TRIM55: variants seen among roughly 807,000 people sequenced by gnomAD.
TRIM55 encodes tripartite motif-containing protein 55.
Under a neutral mutation model 60.9 loss-of-function variants are expected in TRIM55, and 50 were observed. That is an observed-to-expected ratio of 0.82 (90% CI 0.65 to 1.04). TRIM55 has a LOEUF of 1.04. Ranked by LOEUF, TRIM55 falls within the 50% of genes least tolerant of loss-of-function variation. The probability of loss-of-function intolerance (pLI) is 0.00; values close to 1 mark genes in which losing one functional copy is unlikely to be tolerated. For missense variants in TRIM55, 681 were observed against 666.9 expected, an observed-to-expected ratio of 1.02 and a Z score of -0.23; for synonymous variants, 237 against 238.1, an observed-to-expected ratio of 1.00 and a Z score of 0.04.
chr8:66,173,986 T>C (rs956772976), intron 9 of TRIM55, among the ~76,000 whole-genome samples: 1 of 152,132 alleles, frequency 6.6e-6, no homozygotes, highest in Non-Finnish European at 1.5e-5. Flanking sequence ...AAAATATATA[T>C]GTATATGCAT....
At chr8:66,115,474 G>A in the TRIM55 span, among the ~76,000 whole-genome samples, 1 of 152,190 alleles carries the variant, frequency 6.6e-6, no homozygotes, top group Admixed American at 6.5e-5. Context: ...GGGAGGAACT[G>A]GCAGTGAAAC....
At chr8:66,142,367 C>G (rs1041652527) in intron 4 of TRIM55, among the ~76,000 whole-genome samples, 31 of 152,314 alleles carry the variant, frequency 2.0e-4, no homozygotes, top group African/African-American at 6.5e-4. Context: ...CGTTATTTAT[C>G]TAAGAGGCTT....
At chr8:66,138,621 C>T (rs557553605) in intron 4 of TRIM55, among the ~76,000 whole-genome samples, 6 of 152,312 alleles carry the variant, frequency 3.9e-5, no homozygotes, top group South Asian at 2.1e-4. Context: ...AAACTCCTGA[C>T]GTCCTGATCT....
intron 4 of TRIM55, among the ~76,000 whole-genome samples, chr8:66,142,117 C>T (rs903027776): frequency 6.6e-6 from 1 of 152,142 alleles, no homozygotes; most frequent in African/African-American, 2.4e-5. Flanking sequence ...GTCATGATGA[C>T]GAAGTTGAAA....
At chr8:66,149,606 T>C (rs1038267279) in intron 4 of TRIM55, 39 bp from the exon 5 acceptor site, 3 of 1,509,348 alleles carry the variant, frequency 2.0e-6, no homozygotes, top group Non-Finnish European at 2.8e-6. Context: ...ATCGACTTTG[T>C]TTCAAATACT....
chr8:66,142,487 G>A (rs1442408627), intron 4 of TRIM55, among the ~76,000 whole-genome samples: 2 of 152,218 alleles, frequency 1.3e-5, no homozygotes, highest in East Asian at 3.8e-4. Flanking sequence ...AGTCTGACAA[G>A]TGGCTTTCAC....
At chr8:66,156,750 T>A (rs1485809259) in intron 9 of TRIM55, among the ~76,000 whole-genome samples, 1 of 152,134 alleles carries the variant, frequency 6.6e-6, no homozygotes, top group Non-Finnish European at 1.5e-5. Context: ...TTCTGCCTCA[T>A]TAGCCATCTG....
intron 4 of TRIM55, among the ~76,000 whole-genome samples, chr8:66,148,383 G>A (rs907965769): frequency 2.6e-5 from 4 of 152,208 alleles, no homozygotes; most frequent in Non-Finnish European, 5.9e-5. Context: ...TTCTTAGGCA[G>A]TATTGGATAA....
chr8:66,113,391 C>T, the TRIM55 span: 7 of 404,766 alleles, frequency 1.7e-5, no homozygotes, highest in Admixed American at 1.1e-4. Flanking sequence ...GCTGGTAGAG[C>T]GGAGGACTGT....
At chr8:66,156,308 C>T (rs1192215101) in intron 9 of TRIM55, among the ~76,000 whole-genome samples, 1 of 152,152 alleles carries the variant, frequency 6.6e-6, no homozygotes, top group Non-Finnish European at 1.5e-5. Flanking sequence ...GAAGAAATAT[C>T]TGGGGGATTG....
intron 3 of TRIM55, among the ~76,000 whole-genome samples, chr8:66,135,603 A>G (rs931313383): frequency 6.6e-6 from 1 of 151,688 alleles, no homozygotes; most frequent in African/African-American, 2.4e-5. Context: ...GCCCTCCTCA[A>G]TGCCTTTTAT....
chr8:66,127,089 C>T (rs139830577), upstream of TRIM55: 26 of 580,244 alleles, frequency 4.5e-5, no homozygotes, highest in Non-Finnish European at 5.6e-5. Flanking sequence ...GTCACGTGAC[C>T]GCAGGCTGCT....
At chr8:66,165,523 G>A (rs981028461) in intron 9 of TRIM55, among the ~76,000 whole-genome samples, 25 of 152,076 alleles carry the variant, frequency 1.6e-4, no homozygotes, top group Middle Eastern at 6.8e-3. Context: ...CAAAACAAAC[G>A]GAAGTGAATG....
At chr8:66,119,167 G>A in the TRIM55 span, among the ~76,000 whole-genome samples, 1 of 152,156 alleles carries the variant, frequency 6.6e-6, no homozygotes, top group African/African-American at 2.4e-5. Flanking sequence ...ATCATCTGAT[G>A]TTCTTTCCCT....
rs111259636 is a variant in TRIM55, at chr8:66,150,134, G to T, written c.838-83G>T. 7,104 of 1,483,084 alleles carry T rather than the reference G, an allele frequency of 4.8e-3. 242 individuals are homozygous for T. The African/African-American group carries it at 0.081, about 17-fold the overall frequency. The allele number at this position is 1,483,084 out of a possible 1,614,324, so 91.9% of individuals were successfully genotyped here. On this transcript the variant is annotated intron_variant, in intron 5 of 9. Transcript: ENST00000315962. ...TAGAAACTAAGCTATGAGATTCTCAGAGTCAACAAAGGAAATAATTGTCTT... is the reference window on the plus strand; with the variant it reads ...TAGAAACTAAGCTATGAGATTCTCATAGTCAACAAAGGAAATAATTGTCTT...
intron 4 of TRIM55, among the ~76,000 whole-genome samples, chr8:66,142,508 G>A (rs971379694): frequency 6.6e-6 from 1 of 152,118 alleles, no homozygotes; most frequent in Non-Finnish European, 1.5e-5. Context: ...TGAACCATGG[G>A]GTTCCTGTCA....
chr8:66,121,774 G>T, the TRIM55 span, among the ~76,000 whole-genome samples: 1 of 152,124 alleles, frequency 6.6e-6, no homozygotes, highest in South Asian at 2.1e-4. Context: ...ATCTATTCTG[G>T]TTCTGAGGGC....
intron 9 of TRIM55, chr8:66,155,542 A>G: frequency 8.7e-7 from 1 of 1,151,198 alleles, no homozygotes; most frequent in Non-Finnish European, 1.3e-6. Context: ...GCTCAAGCCA[A>G]AATGAAAAGT....
chr8:66,121,572 G>A, the TRIM55 span, among the ~76,000 whole-genome samples: 44 of 152,230 alleles, frequency 2.9e-4, no homozygotes, highest in Non-Finnish European at 2.9e-4. Context: ...AGACTGTAAC[G>A]TGCTCTTGTA....
Sources: gnomAD v4.1 joint callset for allele counts (sites outside exome capture counted in the v4.1 genomes callset) on GRCh38, gnomAD v4.1.1 for gene constraint, MANE v1.5 for transcripts, NCBI Gene and HGNC (gene_info 2026-07-23, HGNC 2026-07-21) for gene names.